The following EPC2 variants were observed in gnomAD, a reference collection of about 807,000 sequenced individuals.
EPC2 encodes enhancer of polycomb homolog 2.
A neutral mutation model predicts 92.1 loss-of-function variants in EPC2; 14 were observed. The ratio of observed to expected loss-of-function variants is 0.15; its 90% CI spans 0.10 to 0.24. EPC2 has a LOEUF of 0.24. EPC2 is among the 10% of genes least tolerant of loss of function. The pLI, the probability that EPC2 is intolerant of heterozygous loss-of-function variation, is 1.00. For missense variants in EPC2, 755 were observed against 971.5 expected, an observed-to-expected ratio of 0.78 and a Z score of 2.96; for synonymous variants, 340 against 334.7, an observed-to-expected ratio of 1.02 and a Z score of -0.17.
chr2:148,758,999 G>A (rs538511007), intron 4 of EPC2, among the ~76,000 whole-genome samples: 1 of 152,228 alleles, frequency 6.6e-6, no homozygotes, highest in Admixed American at 6.5e-5. Flanking sequence ...ACAATTGTAA[G>A]GAGATTAAAT....
At chr2:148,782,401 G>A (rs1683770555) in intron 11 of EPC2, among the ~76,000 whole-genome samples, 1 of 152,092 alleles carries the variant, frequency 6.6e-6, no homozygotes, top group South Asian at 2.1e-4. Flanking sequence ...ACTGGGCATG[G>A]TGGTGAATAC....
Position 148,762,660 on chromosome 2 carries a change from C to G in EPC2, c.816-10C>G, listed in dbSNP as rs1214572793. 2 of 1,563,630 alleles carry G rather than the reference C, an allele frequency of 1.3e-6. No individual in the cohort carries two copies. The highest frequency in any genetic ancestry group is 1.7e-6 in the Non-Finnish European group (2 of 1,156,616). On this transcript the variant is annotated splice_polypyrimidine_tract_variant and intron_variant, in intron 5 of 13. Transcript: ENST00000258484. ...GCAATGTTTTCTTATATTTTTGTTA[C>G]CTTTTCAAGATACCATTTGGGAGAC...
At chr2:148,668,008 C>T (rs1183415732) in intron 1 of EPC2, among the ~76,000 whole-genome samples, 1 of 152,162 alleles carries the variant, frequency 6.6e-6, no homozygotes, top group African/African-American at 2.4e-5. Flanking sequence ...AAGCGATTCT[C>T]CTGCTTCAGT....
rs145665890 is a variant in EPC2, at chr2:148,784,651, A to G, written c.2018-17A>G. 10 of 1,541,206 alleles carry G rather than the reference A, an allele frequency of 6.5e-6. 1 individual carries two copies. In the East Asian group the frequency reaches 2.1e-4, roughly 32 times the overall value. On this transcript the variant is annotated splice_polypyrimidine_tract_variant and intron_variant, in intron 12 of 13. Coordinates refer to ENST00000258484, the MANE Select transcript of EPC2 (RefSeq NM_015630.4). ...GATGTCTCATGATACTAGTTGAATG[A>G]CTTCTTTCTTTTTCAGGAACCTCTA...
chr2:148,769,519 G>A (rs1309862230), intron 8 of EPC2, among the ~76,000 whole-genome samples: 1 of 152,176 alleles, frequency 6.6e-6, no homozygotes, highest in African/African-American at 2.4e-5. Flanking sequence ...ATTACTCAGT[G>A]TGTCATTACT....
intron 8 of EPC2, 47 bp downstream of exon 8, chr2:148,769,287 C>G: frequency 7.5e-7 from 1 of 1,329,242 alleles, no homozygotes; most frequent in Non-Finnish European, 1.1e-6. Flanking sequence ...CTGGAATTAA[C>G]AGGTAACCCA....
chr2:148,785,534 G>C (rs1326402027), intron 13 of EPC2, among the ~76,000 whole-genome samples: 1 of 152,084 alleles, frequency 6.6e-6, no homozygotes. Flanking sequence ...CACCATGTTG[G>C]CCGGGATAGT....
At chr2:148,719,772 G>T (rs905414420) in intron 2 of EPC2, among the ~76,000 whole-genome samples, 7 of 152,366 alleles carry the variant, frequency 4.6e-5, no homozygotes, top group Admixed American at 4.6e-4. Flanking sequence ...GCTGTGCTGT[G>T]TTGGTGATCC....
intron 10 of EPC2, among the ~76,000 whole-genome samples, chr2:148,781,290 C>G (rs1192329746): frequency 6.6e-6 from 1 of 152,146 alleles, no homozygotes; most frequent in Admixed American, 6.5e-5. Flanking sequence ...TTATTATTAA[C>G]ATGAATAAAT....
intron 2 of EPC2, among the ~76,000 whole-genome samples, chr2:148,710,683 T>TC (rs35988978): frequency 0.22 from 34,010 of 152,018 alleles, 4,612 homozygotes; most frequent in East Asian, 0.51. Context: ...AATAATGAGT[T>TC]ATGTCCTTTG....
intron 8 of EPC2, among the ~76,000 whole-genome samples, 158 bp from the exon 9 acceptor site, chr2:148,770,634 G>C (rs1244167879): frequency 6.6e-6 from 1 of 152,042 alleles, no homozygotes; most frequent in African/African-American, 2.4e-5. Flanking sequence ...AATTTAACCT[G>C]ATTAATAGTC....
chr2:148,668,352 T>C (rs148805738), intron 1 of EPC2, among the ~76,000 whole-genome samples: 41 of 152,344 alleles, frequency 2.7e-4, no homozygotes, highest in African/African-American at 8.7e-4. Context: ...CATTTTTGTT[T>C]AGAGTGATTG....
intron 3 of EPC2, among the ~76,000 whole-genome samples, chr2:148,744,570 A>C (rs752690601): frequency 6.6e-6 from 1 of 152,146 alleles, no homozygotes; most frequent in Non-Finnish European, 1.5e-5. Context: ...ATTTATATTT[A>C]TACATGTGCA....
intron 2 of EPC2, chr2:148,691,652 G>A (rs1390014365): frequency 7.1e-6 from 11 of 1,539,196 alleles, no homozygotes; most frequent in South Asian, 2.4e-5. Flanking sequence ...CGGAGACCAC[G>A]TTAAAGTTTT....
chr2:148,783,755 A>C lies in EPC2; in HGVS notation c.2016A>C (p.Ser672=), dbSNP rs1683803659. Residue 672 remains serine, a splice_region_variant and synonymous_variant, in exon 12 of 14, where the codon TCA becomes TCC. Coordinates refer to ENST00000258484, the MANE Select transcript of EPC2 (RefSeq NM_015630.4). The part of the protein sequence containing the change: ...HNNINGVVQP[S]GTSKTLYSTN... ...ACATAAACGGTGTTGTCCAGCCTTC[A>C]GGTACAGCTGGGGTTTCACATGGTA... The C allele has an allele frequency of 3.1e-6, 5 of 1,588,428 alleles. No individual in the cohort carries two copies. In the African/African-American group the frequency reaches 6.7e-5, roughly 21 times the overall value.
intron 4 of EPC2, among the ~76,000 whole-genome samples, chr2:148,755,342 A>T (rs967736211): frequency 6.6e-6 from 1 of 152,180 alleles, no homozygotes; most frequent in Non-Finnish European, 1.5e-5. Context: ...AATGTGGACT[A>T]TTGGACATGA....
rs12613996 is a variant in EPC2 at position 148,757,237 on chromosome 2, G to A, written c.666+3104G>A. ...TAAAAATACAAAAAATTAGCTGGGC[G>A]TGGTGGCAGGTGCCTGTACTCCCAG... On this transcript the variant is annotated intron_variant, in intron 4 of 13. Coordinates refer to ENST00000258484, the MANE Select transcript of EPC2 (RefSeq NM_015630.4). Among the ~76,000 whole-genome samples, 18 of 152,196 alleles carry A rather than the reference G, an allele frequency of 1.2e-4. No individual in the cohort carries two copies. The East Asian group carries it at 3.3e-3, about 28-fold the overall frequency.
At chr2:148,692,698 A>G (rs879170501) in intron 2 of EPC2, 4 of 152,196 alleles carry the variant, frequency 2.6e-5, no homozygotes. Context: ...CAAAGTATCA[A>G]TTATTTTGTA....
intron 1 of EPC2, among the ~76,000 whole-genome samples, chr2:148,671,287 A>T (rs66877183): frequency 0.2 from 25,459 of 127,040 alleles, 3,269 homozygotes; most frequent in East Asian, 0.5. Context: ...GTGGATTGTG[A>T]TTTTTTTTTT....
Sources: allele counts gnomAD v4.1 joint callset (sites outside exome capture counted in the v4.1 genomes callset), GRCh38; gene constraint gnomAD v4.1.1; transcripts MANE v1.5; gene names NCBI Gene and HGNC (gene_info 2026-07-23, HGNC 2026-07-21).